HDAC8: variants seen among roughly 807,000 people sequenced by gnomAD.
HDAC8 encodes the protein histone deacetylase-like 1.
Under a neutral mutation model 32.2 loss-of-function variants are expected in HDAC8, and 1 was observed. The observed-to-expected ratio is 0.03, with a 90% CI of 0.01 to 0.15. The LOEUF (loss-of-function observed/expected upper bound fraction) is 0.15, where lower values mean the gene tolerates loss of function less well. Among genes scored for constraint, HDAC8 ranks in the 10% least tolerant of loss-of-function variants. The pLI is 1.00. For synonymous variants in HDAC8, 108 were observed against 113.9 expected (o/e 0.95, Z 0.33); for missense variants, 117 against 300.0 (o/e 0.39, Z 4.51).
chrX:72,447,443 T>C (rs782463645), intron 9 of HDAC8, among the ~76,000 whole-genome samples: 18 of 111,692 alleles, frequency 1.6e-4, no homozygotes, highest in Non-Finnish European at 3.2e-4. Context: ...TATCTCAAAA[T>C]AATAAGAGCT....
intron 9 of HDAC8, among the ~76,000 whole-genome samples, chrX:72,427,231 G>C (rs2046665289): frequency 9.0e-6 from 1 of 110,758 alleles, no homozygotes; most frequent in Non-Finnish European, 1.9e-5. Flanking sequence ...ATTTGACCCA[G>C]CCATCCCATT....
intron 9 of HDAC8, among the ~76,000 whole-genome samples, chrX:72,422,490 C>T (rs1555973988): frequency 3.6e-5 from 4 of 111,194 alleles, no homozygotes; most frequent in Non-Finnish European, 5.7e-5. Flanking sequence ...AAAAAAAATC[C>T]AGACAAGTAA....
At chrX:72,429,316 C>T (rs1210638268) in intron 9 of HDAC8, among the ~76,000 whole-genome samples, 1 of 111,873 alleles carries the variant, frequency 8.9e-6, no homozygotes, top group Non-Finnish European at 1.9e-5. Flanking sequence ...GTACATTTTG[C>T]TACCTTGGCA....
chrX:72,427,082 C>A (rs2046661068), intron 9 of HDAC8, among the ~76,000 whole-genome samples: 1 of 110,512 alleles, frequency 9.0e-6, no homozygotes, highest in African/African-American at 3.3e-5. Context: ...AGCCCTCCAG[C>A]CTGGGGTATT....
chrX:72,433,727 T>C (rs1015614251), intron 9 of HDAC8, among the ~76,000 whole-genome samples: 3 of 112,204 alleles, frequency 2.7e-5, no homozygotes, highest in Admixed American at 9.4e-5. Context: ...TTTAAAAATG[T>C]CATTTTGTGG....
Position 72,567,964 on chromosome X carries a change from G to T in HDAC8, c.362C>A (p.Thr121Lys). The stretch of plus-strand genomic sequence containing the variant: ...TCCGTCAATCAGGCATTGGGCAGCT[G>T]TGATCGTAGCCCCTCCTATAGCTGC... ...YAAAIGGATI[T>K]AAQCLIDGMC... The change falls in exon 4 of 11, where the codon ACA (threonine) becomes AAA (lysine). Residue 121 changes from threonine to lysine, a missense_variant. By Grantham distance (78) the Thr-to-Lys change is moderately conservative. Transcript: ENST00000373573. 8.3e-7 allele frequency: 1 copy of T among 1,211,532 alleles called. No homozygotes were observed. Among genetic ancestry groups the T allele is most frequent in the Non-Finnish European group, 1.1e-6 (1 of 895,320 alleles).
At chrX:72,444,442 A>G (rs2047302458) in intron 9 of HDAC8, among the ~76,000 whole-genome samples, 1 of 111,774 alleles carries the variant, frequency 8.9e-6, no homozygotes, top group African/African-American at 3.3e-5. Flanking sequence ...AAACCACATG[A>G]TTATCTCAAT....
intron 4 of HDAC8, among the ~76,000 whole-genome samples, chrX:72,507,422 T>C (rs111666985): frequency 0.015 from 1,656 of 111,799 alleles, 26 homozygotes; most frequent in African/African-American, 0.04. Context: ...GAGCCCTGTG[T>C]ACCCTAGAAA....
At chrX:72,550,298 C>T (rs1226601895) in intron 4 of HDAC8, among the ~76,000 whole-genome samples, 1 of 110,450 alleles carries the variant, frequency 9.1e-6, no homozygotes, top group Non-Finnish European at 1.9e-5. Context: ...CTATAGGAAC[C>T]TATGGTTCCA....
intron 9 of HDAC8, among the ~76,000 whole-genome samples, chrX:72,414,762 A>G (rs932957725): frequency 6.3e-5 from 7 of 111,786 alleles, no homozygotes; most frequent in Admixed American, 9.5e-5. Context: ...TGGAGAGCAG[A>G]AGGAGCCCAG....
intron 4 of HDAC8, among the ~76,000 whole-genome samples, chrX:72,514,490 C>T (rs1029792334): frequency 8.9e-6 from 1 of 112,185 alleles, no homozygotes; most frequent in African/African-American, 3.2e-5. Context: ...AGTTTTCAAA[C>T]TTTTCTTAAG....
chrX:72,571,993 T>C, intron 2 of HDAC8, 64 bp downstream of exon 2: 1 of 948,455 alleles, frequency 1.1e-6, no homozygotes, highest in Non-Finnish European at 1.4e-6. Flanking sequence ...TGCCCCACTG[T>C]GAAGCAGGAT....
At chrX:72,512,655 A>C (rs1198258364) in intron 4 of HDAC8, among the ~76,000 whole-genome samples, 1 of 110,846 alleles carries the variant, frequency 9.0e-6, no homozygotes, top group African/African-American at 3.3e-5. Flanking sequence ...CAGAGCACTT[A>C]AGGAGTTGGC....
chrX:72,398,624 C>G (rs1555966316), intron 9 of HDAC8, among the ~76,000 whole-genome samples: 1 of 110,192 alleles, frequency 9.1e-6, no homozygotes, highest in Non-Finnish European at 1.9e-5. Flanking sequence ...TAGGTGTGAG[C>G]CACCACGTCT....
Position 72,351,721 on chromosome X carries a change from G to A in HDAC8, c.1111+12C>T. ...GGAACAAGGAGGGCAGGCCTCGAGG[G>A]GCGGTGCTCACCTTTGATGTAGTTG... On this transcript the variant is annotated intron_variant, in intron 10 of 10. Coordinates refer to ENST00000373573, the MANE Select transcript of HDAC8 (RefSeq NM_018486.3). 8.5e-7 allele frequency: 1 copy of A among 1,171,392 alleles called. No individual in the cohort carries two copies. The highest frequency in any genetic ancestry group is 1.2e-6 in the Non-Finnish European group (1 of 859,174).
chrX:72,335,382 C>G (rs1339835680), intron 10 of HDAC8, among the ~76,000 whole-genome samples: 3 of 112,097 alleles, frequency 2.7e-5, no homozygotes, highest in African/African-American at 9.7e-5. Context: ...CGGCAACCAT[C>G]ATCTTTTTAC....
Position 72,349,026 on chromosome X carries a change from C to A in HDAC8, c.1111+2707G>T, listed in dbSNP as rs781924963. On this transcript the variant is annotated intron_variant, in intron 10 of 10. Transcript: ENST00000373573. Reference sequence around the variant, plus strand: ...ATCTCCAGTGACAGAGACCTCATGCCTTTCTAGGCAGTCTGTTCCACTTTG... The same window carrying A: ...ATCTCCAGTGACAGAGACCTCATGCATTTCTAGGCAGTCTGTTCCACTTTG... 2.5e-3 allele frequency among the ~76,000 whole-genome samples: 281 copies of A among 112,369 alleles called. 3 individuals carry two copies. Among genetic ancestry groups the A allele is most frequent in the Middle Eastern group, 0.014 (3 of 219 alleles).
intron 4 of HDAC8, among the ~76,000 whole-genome samples, chrX:72,566,353 C>A (rs1249197267): frequency 8.9e-6 from 1 of 111,894 alleles, no homozygotes; most frequent in Non-Finnish European, 1.9e-5. Context: ...AAAAAGCAAG[C>A]AGGCAAGCAA....
chrX:72,463,582 C>T (rs2047927094), intron 8 of HDAC8, among the ~76,000 whole-genome samples: 2 of 111,876 alleles, frequency 1.8e-5, no homozygotes, highest in Non-Finnish European at 3.8e-5. Context: ...CAGTACTTAT[C>T]AATTTTATCT....
Sources: gnomAD v4.1 joint callset for allele counts (sites outside exome capture counted in the v4.1 genomes callset) on GRCh38, gnomAD v4.1.1 for gene constraint, MANE v1.5 for transcripts, NCBI Gene and HGNC (gene_info 2026-07-23, HGNC 2026-07-21) for gene names.